Variants in TMPRSS15 observed in about 807,000 individuals in gnomAD.
The protein encoded by TMPRSS15 is transmembrane serine protease 15.
TMPRSS15 carries 128 observed loss-of-function variants against 125.3 expected under a neutral mutation model. That is an observed-to-expected ratio of 1.02 (90% CI 0.89 to 1.18). The LOEUF (loss-of-function observed/expected upper bound fraction) is 1.18. TMPRSS15 is among the 50% of genes most tolerant of loss of function. TMPRSS15 has a pLI of 0.00. For synonymous variants in TMPRSS15, 446 were observed against 423.2 expected (o/e 1.05, Z -0.66); for missense variants, 1,283 against 1,212.7 (o/e 1.06, Z -0.86).
rs962530644 is a variant in TMPRSS15, at chr21:18,379,251, C to A, written c.532+32G>T. 7.6e-6 allele frequency: 9 copies of A among 1,187,760 alleles called. No homozygotes were observed. The South Asian group carries it at 1.7e-4, about 22-fold the overall frequency. 73.6% of individuals were successfully genotyped at this position (1,187,760 alleles called of 1,614,324 possible). On this transcript the variant is annotated intron_variant, in intron 5 of 24. Coordinates refer to ENST00000284885, the MANE Select transcript of TMPRSS15 (RefSeq NM_002772.3). ...AAATGTATAAGAGAAAACTTTCTTT[C>A]AAAAAATAATAATAATATTATTAAA...
intron 1 of TMPRSS15, among the ~76,000 whole-genome samples, chr21:18,444,852 T>C (rs1186241273): frequency 1.3e-5 from 2 of 152,128 alleles, no homozygotes; most frequent in African/African-American, 2.4e-5. Context: ...GTCTCCCCCT[T>C]ACCTCCTCTC....
upstream of TMPRSS15, among the ~76,000 whole-genome samples, chr21:18,405,783 A>T (rs2076149951): frequency 1.3e-5 from 2 of 152,180 alleles, no homozygotes; most frequent in African/African-American, 4.8e-5. Flanking sequence ...GCACGGAAAA[A>T]TTTTAGAAGA....
intron 3 of TMPRSS15, among the ~76,000 whole-genome samples, chr21:18,393,584 A>G (rs918584220): frequency 6.6e-6 from 1 of 152,134 alleles, no homozygotes; most frequent in African/African-American, 2.4e-5. Flanking sequence ...AAAAGAAAAA[A>G]ATTTTTCTTG....
intron 4 of TMPRSS15, among the ~76,000 whole-genome samples, chr21:18,380,807 G>A (rs550317797): frequency 6.8e-4 from 104 of 152,086 alleles, no homozygotes; most frequent in Non-Finnish European, 1.6e-4. Flanking sequence ...TATGCAAAAA[G>A]TTTGCTTTAT....
intron 1 of TMPRSS15, among the ~76,000 whole-genome samples, chr21:18,482,657 A>G (rs1979004319): frequency 6.6e-6 from 1 of 151,688 alleles, no homozygotes; most frequent in Non-Finnish European, 1.5e-5. Flanking sequence ...GTTAGGGTAT[A>G]CATAGAAGAA....
At chr21:18,310,933 CTTT>C (rs71329779) in intron 18 of TMPRSS15, among the ~76,000 whole-genome samples, 36,219 of 136,786 alleles carry the variant, frequency 0.26, 5,476 homozygotes, top group South Asian at 0.38. Flanking sequence ...CCCACTGATT[CTTT>C]TTTTTTTTTT....
At chr21:18,396,641 GC>G (rs776068450) in intron 3 of TMPRSS15, among the ~76,000 whole-genome samples, 87 of 151,928 alleles carry the variant, frequency 5.7e-4, no homozygotes, top group Non-Finnish European at 1.0e-3. Flanking sequence ...GGGTATGGTG[GC>G]GGGCACCTGT....
At chr21:18,312,165 T>C (rs999894792) in intron 18 of TMPRSS15, among the ~76,000 whole-genome samples, 1 of 152,002 alleles carries the variant, frequency 6.6e-6, no homozygotes, top group Non-Finnish European at 1.5e-5. Context: ...GAATGGTGGG[T>C]TAGAGTTGCC....
intron 21 of TMPRSS15, among the ~76,000 whole-genome samples, chr21:18,282,423 T>C (rs1009090721): frequency 2.0e-5 from 3 of 152,190 alleles, no homozygotes; most frequent in Non-Finnish European, 4.4e-5. Context: ...ATTCAATTCT[T>C]AACAGTCGCA....
At chr21:18,437,519 A>G (rs902292761) in intron 1 of TMPRSS15, among the ~76,000 whole-genome samples, 1 of 152,172 alleles carries the variant, frequency 6.6e-6, no homozygotes, top group Non-Finnish European at 1.5e-5. Context: ...GAAAAAAACT[A>G]CCGTCAGAGT....
intron 1 of TMPRSS15, among the ~76,000 whole-genome samples, chr21:18,453,875 C>T (rs1978387664): frequency 6.6e-6 from 1 of 152,108 alleles, no homozygotes; most frequent in African/African-American, 2.4e-5. Context: ...GGACATAATG[C>T]TAAATGAAAT....
At chr21:18,426,167 G>A (rs962475035) in intron 1 of TMPRSS15, among the ~76,000 whole-genome samples, 7 of 152,058 alleles carry the variant, frequency 4.6e-5, no homozygotes, top group Admixed American at 4.6e-4. Context: ...CACTCACAGT[G>A]ACAAACAACG....
At chr21:18,475,679 GATT>G (rs2123287327) in intron 1 of TMPRSS15, among the ~76,000 whole-genome samples, 1 of 152,264 alleles carries the variant, frequency 6.6e-6, no homozygotes, top group East Asian at 1.9e-4. Context: ...TAAAAATGCT[GATT>G]ATTTCCTGTT....
intron 1 of TMPRSS15, among the ~76,000 whole-genome samples, chr21:18,409,945 T>A (rs2076161605): frequency 7.1e-6 from 1 of 141,832 alleles, no homozygotes; most frequent in African/African-American, 2.6e-5. Flanking sequence ...CTTCCTTCCT[T>A]CCGTCTTTCC....
chr21:18,361,290 C>T (rs767034833), intron 7 of TMPRSS15, among the ~76,000 whole-genome samples: 23 of 152,004 alleles, frequency 1.5e-4, no homozygotes, highest in Non-Finnish European at 2.1e-4. Flanking sequence ...TTTGTAAGTA[C>T]CAAGTTTCTC....
rs544094660 is a variant in TMPRSS15 at position 18,448,183 on chromosome 21, A to G, written c.10+37616T>C. Among the ~76,000 whole-genome samples the G allele has an allele frequency of 2.6e-5, 4 of 152,326 alleles. No individual in the cohort carries two copies. The East Asian group carries it at 7.7e-4, about 29-fold the overall frequency. Reference sequence around the variant, plus strand: ...TTTCTATGTTTATTGAAACTGTTTTATTAATAAAGTCACCACAGTGATCTA... The same window carrying G: ...TTTCTATGTTTATTGAAACTGTTTTGTTAATAAAGTCACCACAGTGATCTA... On this transcript the variant is annotated intron_variant, in intron 1 of 7. Coordinates refer to the TMPRSS15 transcript ENST00000422787.
At chr21:18,402,773 C>A (rs1422125074) in intron 1 of TMPRSS15, among the ~76,000 whole-genome samples, 2 of 152,232 alleles carry the variant, frequency 1.3e-5, no homozygotes, top group South Asian at 4.2e-4. Flanking sequence ...TGAACTTAAG[C>A]AAGTTACTTC....
chr21:18,403,750 C>A lies in TMPRSS15; in HGVS notation c.-128G>T, dbSNP rs765909133. 1.3e-4 allele frequency: 157 copies of A among 1,174,598 alleles called. No homozygotes were observed. Among genetic ancestry groups the A allele is most frequent in the Non-Finnish European group, 1.8e-4 (145 of 811,310 alleles). 72.8% of individuals were successfully genotyped at this position (1,174,598 alleles called of 1,614,324 possible). A position where few individuals can be genotyped will look rare whatever the true frequency, so the allele number is the denominator to read the frequency against. ...AACAACCACCTGTCTACATGCATAC[C>A]AGTCAGTGTAAGTGAGTTGTGTATG... On this transcript the variant is annotated 5_prime_UTR_variant, in exon 1 of 25. Coordinates refer to ENST00000284885, the MANE Select transcript of TMPRSS15 (RefSeq NM_002772.3).
intron 1 of TMPRSS15, among the ~76,000 whole-genome samples, chr21:18,442,352 A>G (rs2076244178): frequency 6.6e-6 from 1 of 152,230 alleles, no homozygotes; most frequent in African/African-American, 2.4e-5. Context: ...AAGTAATAAA[A>G]CATTCTGGCA....
Sources: allele counts gnomAD v4.1 joint callset (sites outside exome capture counted in the v4.1 genomes callset), GRCh38; gene constraint gnomAD v4.1.1; transcripts MANE v1.5; gene names NCBI Gene and HGNC (gene_info 2026-07-23, HGNC 2026-07-21).